The following PDE4B variants were observed in gnomAD, a reference collection of about 807,000 sequenced individuals.
PDE4B encodes the protein 3',5'-cyclic-AMP phosphodiesterase 4B.
In PDE4B, 20 loss-of-function variants were observed where a neutral mutation model predicts 82.2. The ratio of observed to expected loss-of-function variants is 0.24; its 90% CI spans 0.17 to 0.35. PDE4B has a LOEUF of 0.35. PDE4B is among the 10% of genes least tolerant of loss of function. PDE4B has a pLI of 1.00. For synonymous variants in PDE4B, 320 were observed against 318.9 expected (o/e 1.00, Z -0.04); for missense variants, 655 against 907.2 (o/e 0.72, Z 3.57).
chr1:66,013,475 A>T (rs1048875975), intron 3 of PDE4B, among the ~76,000 whole-genome samples: 1 of 152,092 alleles, frequency 6.6e-6, no homozygotes, highest in African/African-American at 2.4e-5. Flanking sequence ...CAGTTTTTTT[A>T]AATTTAAGTG....
intron 3 of PDE4B, among the ~76,000 whole-genome samples, chr1:66,209,247 A>G (rs538475754): frequency 6.6e-6 from 1 of 152,332 alleles, no homozygotes; most frequent in South Asian, 2.1e-4. Context: ...CCATTAATCC[A>G]TTCAGTTATT....
At chr1:66,190,110 G>C (rs895122056) in intron 3 of PDE4B, among the ~76,000 whole-genome samples, 1 of 152,178 alleles carries the variant, frequency 6.6e-6, no homozygotes, top group African/African-American at 2.4e-5. Flanking sequence ...TCCAGACCCT[G>C]TTTGCCTGGG....
At chr1:66,209,638 C>T (rs1363467215) in intron 3 of PDE4B, among the ~76,000 whole-genome samples, 2 of 152,208 alleles carry the variant, frequency 1.3e-5, no homozygotes, top group Non-Finnish European at 2.9e-5. Flanking sequence ...TCAAATTATA[C>T]ATTTCCATCA....
At chr1:66,081,086 C>G (rs1557546740) in intron 3 of PDE4B, among the ~76,000 whole-genome samples, 1 of 152,292 alleles carries the variant, frequency 6.6e-6, no homozygotes, top group East Asian at 1.9e-4. Flanking sequence ...TGTGGTCTGA[C>G]TTACTCACGG....
intron 3 of PDE4B, among the ~76,000 whole-genome samples, chr1:65,997,432 A>C (rs566684575): frequency 7.5e-4 from 114 of 152,336 alleles, no homozygotes; most frequent in South Asian, 1.4e-3. Flanking sequence ...AGTACTCTAA[A>C]GGGACTTATA....
At chr1:65,997,266 G>A (rs1177657082) in intron 3 of PDE4B, among the ~76,000 whole-genome samples, 1 of 150,734 alleles carries the variant, frequency 6.6e-6, no homozygotes, top group Non-Finnish European at 1.5e-5. Context: ...CAATATTTTT[G>A]TAATTAGAAG....
intron 3 of PDE4B, among the ~76,000 whole-genome samples, chr1:65,966,758 A>G (rs1649857910): frequency 6.6e-6 from 1 of 151,986 alleles, no homozygotes; most frequent in Non-Finnish European, 1.5e-5. Flanking sequence ...CCGATCTTTG[A>G]CAAATCTGAC....
intron 7 of PDE4B, among the ~76,000 whole-genome samples, chr1:66,282,160 A>T (rs545832605): frequency 6.6e-6 from 1 of 152,184 alleles, no homozygotes; most frequent in South Asian, 2.1e-4. Context: ...AGCAACATTT[A>T]ATCTGTTTTT....
chr1:66,210,360 G>A (rs747166318), intron 3 of PDE4B, among the ~76,000 whole-genome samples: 7 of 152,052 alleles, frequency 4.6e-5, no homozygotes, highest in Non-Finnish European at 8.8e-5. Flanking sequence ...CATTTTGGGA[G>A]GTCAAGCCGG....
At chr1:66,353,737 G>A (rs1662013938) in intron 8 of PDE4B, among the ~76,000 whole-genome samples, 1 of 152,126 alleles carries the variant, frequency 6.6e-6, no homozygotes, top group African/African-American at 2.4e-5. Context: ...GAAACCTGCA[G>A]GGAAGGAATG....
intron 13 of PDE4B, 37 bp from the exon 14 acceptor site, chr1:66,367,659 C>T: frequency 6.5e-7 from 1 of 1,542,138 alleles, no homozygotes; most frequent in Non-Finnish European, 8.9e-7. Flanking sequence ...AATCATATCC[C>T]TTTTTAATTA....
At chr1:65,920,075 CT>C (rs1286420790) in intron 3 of PDE4B, among the ~76,000 whole-genome samples, 4 of 152,178 alleles carry the variant, frequency 2.6e-5, no homozygotes, top group African/African-American at 4.8e-5. Context: ...TAGGGCTCCC[CT>C]ATAGGATACT....
intron 3 of PDE4B, among the ~76,000 whole-genome samples, chr1:65,950,749 C>G (rs549305789): frequency 3.3e-5 from 5 of 151,974 alleles, no homozygotes; most frequent in Admixed American, 6.6e-5. Context: ...CCATCTGGTT[C>G]AGGGCGATTC....
chr1:65,905,174 A>G (rs1189611989), intron 1 of PDE4B, among the ~76,000 whole-genome samples: 3 of 152,202 alleles, frequency 2.0e-5, no homozygotes, highest in Non-Finnish European at 4.4e-5. Flanking sequence ...ATTCATACAA[A>G]CAAATATGTA....
intron 3 of PDE4B, among the ~76,000 whole-genome samples, chr1:66,054,569 C>T (rs1655204826): frequency 6.6e-6 from 1 of 152,170 alleles, no homozygotes; most frequent in African/African-American, 2.4e-5. Flanking sequence ...TCTCATTTGA[C>T]AATTGGCTGT....
At chr1:66,088,330 T>G (rs1204119771) in intron 3 of PDE4B, among the ~76,000 whole-genome samples, 1 of 152,030 alleles carries the variant, frequency 6.6e-6, no homozygotes, top group East Asian at 1.9e-4. Flanking sequence ...TCCAAGAACC[T>G]CTGAGTATCC....
intron 3 of PDE4B, among the ~76,000 whole-genome samples, chr1:66,084,850 A>C (rs1262281314): frequency 6.6e-6 from 1 of 152,178 alleles, no homozygotes; most frequent in African/African-American, 2.4e-5. Flanking sequence ...AGTCCCAAGC[A>C]TTGGGCTGAA....
intron 3 of PDE4B, among the ~76,000 whole-genome samples, chr1:66,205,249 T>G (rs1649453751): frequency 6.6e-6 from 1 of 152,186 alleles, no homozygotes; most frequent in Non-Finnish European, 1.5e-5. Context: ...ACATAGTTGC[T>G]TCTACTCTAC....
At chr1:66,320,460 T>C (rs1234870402) in intron 7 of PDE4B, among the ~76,000 whole-genome samples, 1 of 152,212 alleles carries the variant, frequency 6.6e-6, no homozygotes, top group Non-Finnish European at 1.5e-5. Context: ...GCTGATTAGC[T>C]GTGGTAACAC....
Sources: gnomAD v4.1 joint callset for allele counts (sites outside exome capture counted in the v4.1 genomes callset) on GRCh38, gnomAD v4.1.1 for gene constraint, MANE v1.5 for transcripts, NCBI Gene and HGNC (gene_info 2026-07-23, HGNC 2026-07-21) for gene names.